Variants in PITPNM3 observed in about 807,000 individuals in gnomAD.
PITPNM3 encodes membrane-associated phosphatidylinositol transfer protein 3.
A neutral mutation model predicts 102.0 loss-of-function variants in PITPNM3; 26 were observed. The observed-to-expected ratio is 0.25, with a 90% CI of 0.19 to 0.35. The LOEUF (loss-of-function observed/expected upper bound fraction) is 0.35. Ranked by LOEUF, PITPNM3 falls within the 10% of genes least tolerant of loss-of-function variation. The pLI, the probability that PITPNM3 is intolerant of heterozygous loss-of-function variation, is 1.00. For synonymous variants in PITPNM3, 578 were observed against 558.6 expected, an observed-to-expected ratio of 1.03 and a Z score of -0.49; for missense variants, 1,083 against 1,346.1, an observed-to-expected ratio of 0.80 and a Z score of 3.06.
chr17:6,496,874 A>C (rs1906860412), intron 4 of PITPNM3, among the ~76,000 whole-genome samples: 1 of 152,150 alleles, frequency 6.6e-6, no homozygotes, highest in Admixed American at 6.5e-5. Context: ...ACTCATCCTC[A>C]TGAAAGTGAA....
intron 3 of PITPNM3, among the ~76,000 whole-genome samples, chr17:6,504,680 G>A (rs1199091871): frequency 6.6e-6 from 1 of 152,150 alleles, no homozygotes; most frequent in Non-Finnish European, 1.5e-5. Context: ...TGCTCGCTAA[G>A]AACCTCCAGG....
intron 4 of PITPNM3, among the ~76,000 whole-genome samples, chr17:6,484,821 C>A (rs1445334334): frequency 6.6e-6 from 1 of 152,216 alleles, no homozygotes. Flanking sequence ...ATGAGGCGAT[C>A]TGCCCTCACC....
intron 9 of PITPNM3, among the ~76,000 whole-genome samples, chr17:6,475,186 C>T (rs1394852910): frequency 1.3e-5 from 2 of 152,174 alleles, no homozygotes; most frequent in Non-Finnish European, 2.9e-5. Context: ...GACACAGATG[C>T]AAACAGCTTG....
At chr17:6,550,547 G>A (rs117184471) in intron 1 of PITPNM3, among the ~76,000 whole-genome samples, 8 of 152,304 alleles carry the variant, frequency 5.3e-5, no homozygotes, top group Admixed American at 2.0e-4. Context: ...AAAGGATGCC[G>A]GATCTCAAAG....
intron 4 of PITPNM3, among the ~76,000 whole-genome samples, chr17:6,498,243 G>A (rs1245412251): frequency 2.0e-5 from 3 of 152,214 alleles, no homozygotes; most frequent in African/African-American, 7.2e-5. Flanking sequence ...TGCTGCAGAG[G>A]AACTGCTTCT....
chr17:6,556,534 T>TGCCGCCACCGCAGCC lies in PITPNM3; in HGVS notation c.-143_-129dup, dbSNP rs2150690523. On this transcript the variant is annotated 5_prime_UTR_variant, in exon 1 of 20. Coordinates refer to ENST00000262483, the MANE Select transcript of PITPNM3 (RefSeq NM_031220.4). The surrounding 1 kb of genome is among the most constrained non-coding windows in gnomAD (Gnocchi z 5.2). ...GCGCCCCCGCCCCGCTCGCCTCGGCTGCCGCCACCGCAGCCGCCGCCGCCT... is the reference window on the plus strand; with the variant it reads ...GCGCCCCCGCCCCGCTCGCCTCGGCTGCCGCCACCGCAGCCGCCGCCACCGCAGCCGCCGCCGCCT... The TGCCGCCACCGCAGCC allele has an allele frequency of 1.7e-6, 1 of 575,950 alleles. No individual in the cohort carries two copies. The highest frequency in any genetic ancestry group is 1.5e-4 in the East Asian group (1 of 6,560). 35.7% of individuals were successfully genotyped at this position (575,950 alleles called of 1,614,324 possible). A position where few individuals can be genotyped will look rare whatever the true frequency, so the allele number is the denominator to read the frequency against.
At chr17:6,485,244 C>T (rs1210155058) in intron 4 of PITPNM3, among the ~76,000 whole-genome samples, 3 of 151,722 alleles carry the variant, frequency 2.0e-5, no homozygotes, top group Admixed American at 6.6e-5. Context: ...CTGCAACCTC[C>T]GCTTCCCGGG....
At chr17:6,518,505 G>A (rs573578590) in intron 3 of PITPNM3, among the ~76,000 whole-genome samples, 91 of 150,296 alleles carry the variant, frequency 6.1e-4, no homozygotes, top group South Asian at 1.7e-3. Flanking sequence ...GGAACAGTGC[G>A]TGTGTCATTT....
chr17:6,464,835 GCAGTGTTCCT>G, intron 14 of PITPNM3, 64 bp from the exon 15 acceptor site: 1 of 1,472,194 alleles, frequency 6.8e-7, no homozygotes, highest in South Asian at 1.1e-5. Context: ...CTTTATCATT[GCAGTGTTCCT>G]CAGACTGGCT....
At position 6,470,810 on chromosome 17, in the gene PITPNM3, T is replaced by A. The variant is rs1237569440; in HGVS notation, c.1624+351A>T. ...TCCAGGGTCAAAGGTCAGGGCTCTG[T>A]TTGAGGTCAAAGCTCAGACCCTGTC... is the stretch of plus-strand genomic sequence containing the variant. On this transcript the variant is annotated intron_variant, in intron 12 of 19. Coordinates refer to ENST00000262483, the MANE Select transcript of PITPNM3 (RefSeq NM_031220.4). This position sits in a 1 kb window ranked among gnomAD's most constrained non-coding sequence, Gnocchi z 4.8. 1.3e-5 allele frequency among the ~76,000 whole-genome samples: 2 copies of A among 152,000 alleles called. No individual in the cohort carries two copies. Among genetic ancestry groups the A allele is most frequent in the African/African-American group, 4.8e-5 (2 of 41,382 alleles).
At chr17:6,475,290 G>T (rs1905252319) in intron 9 of PITPNM3, among the ~76,000 whole-genome samples, 1 of 152,168 alleles carries the variant, frequency 6.6e-6, no homozygotes, top group African/African-American at 2.4e-5. Context: ...CAACCCAGGT[G>T]CCCACTGTCC....
At chr17:6,510,154 TG>T (rs1182115909) in intron 3 of PITPNM3, among the ~76,000 whole-genome samples, 1 of 152,238 alleles carries the variant, frequency 6.6e-6, no homozygotes, top group Admixed American at 6.5e-5. Flanking sequence ...TTTGCCTTCC[TG>T]GGCTAAATTC....
rs1297827512 is a variant in PITPNM3 at position 6,537,287 on chromosome 17, A to T, written c.118+700T>A. 1.5e-5 allele frequency among the ~76,000 whole-genome samples: 2 copies of T among 132,886 alleles called. No homozygotes were observed. Among genetic ancestry groups the T allele is most frequent in the Non-Finnish European group, 3.1e-5 (2 of 64,844 alleles). 87.2% of individuals were successfully genotyped at this position (132,886 alleles called of 152,430 possible). On this transcript the variant is annotated intron_variant, in intron 2 of 19. Transcript: ENST00000262483. This position sits in a 1 kb window ranked among gnomAD's most constrained non-coding sequence, Gnocchi z 4.4. ...TTTTTTTTTTTTTCTGAGACAGAGTATCGCTCTGTCTGCAGTGCCATCTCG... is the reference window on the plus strand; with the variant it reads ...TTTTTTTTTTTTTCTGAGACAGAGTTTCGCTCTGTCTGCAGTGCCATCTCG...
chr17:6,534,092 A>G (rs1403918268), intron 2 of PITPNM3, among the ~76,000 whole-genome samples: 1 of 152,162 alleles, frequency 6.6e-6, no homozygotes, highest in Non-Finnish European at 1.5e-5. Context: ...TGGAGGCCAC[A>G]TCCCCTTCTG....
intron 3 of PITPNM3, among the ~76,000 whole-genome samples, chr17:6,512,532 G>A (rs1030355424): frequency 2.0e-4 from 31 of 152,220 alleles, no homozygotes; most frequent in African/African-American, 5.5e-4. Flanking sequence ...TCTGAGCCCC[G>A]CTCCCAGAGT....
At chr17:6,491,836 T>TATAA (rs148932496) in intron 4 of PITPNM3, among the ~76,000 whole-genome samples, 22,564 of 139,156 alleles carry the variant, frequency 0.16, 2,192 homozygotes, top group Non-Finnish European at 0.19. Flanking sequence ...TATATATATA[T>TATAA]AATAAAGAAT....
chr17:6,534,561 C>T (rs140201623), intron 2 of PITPNM3, among the ~76,000 whole-genome samples: 40 of 152,302 alleles, frequency 2.6e-4, no homozygotes, highest in African/African-American at 3.6e-4. Context: ...ACTAAACTCC[C>T]GGGTTCCAGC....
rs55984944 is a variant in PITPNM3, at chr17:6,451,892, C to CCCCCCCA, written c.*3445_*3446insTGGGGGG. ...ACCCAAACCCCCCCCCCCCGCCCGC[C>CCCCCCCA]GATGGGATTCGGTGGGAAAGTTGGT... is the stretch of plus-strand genomic sequence containing the variant. On this transcript the variant is annotated 3_prime_UTR_variant, in exon 20 of 20. Coordinates refer to ENST00000262483, the MANE Select transcript of PITPNM3 (RefSeq NM_031220.4). The CCCCCCCA allele has an allele frequency of 7.4e-5, 7 of 94,514 alleles. No individual in the cohort carries two copies. The highest frequency in any genetic ancestry group is 2.5e-4 in the Admixed American group (2 of 7,906). The allele number at this position is 94,514 out of a possible 1,614,324, so 5.9% of individuals were successfully genotyped here. A position where few individuals can be genotyped will look rare whatever the true frequency, so the allele number is the denominator to read the frequency against.
intron 1 of PITPNM3, among the ~76,000 whole-genome samples, chr17:6,542,269 G>A (rs1200023003): frequency 6.6e-6 from 1 of 152,228 alleles, no homozygotes. Context: ...AAATCTAAAT[G>A]GATGTCTACA....
Sources: gnomAD v4.1 joint callset for allele counts (sites outside exome capture counted in the v4.1 genomes callset) on GRCh38, gnomAD v4.1.1 for gene constraint, Gnocchi (gnomAD v3.1) non-coding constraint, MANE v1.5 for transcripts, NCBI Gene and HGNC (gene_info 2026-07-23, HGNC 2026-07-21) for gene names.